Variants in CNTNAP2 observed in about 807,000 individuals in gnomAD.
CNTNAP2 encodes the protein contactin associated protein 2.
A neutral mutation model predicts 155.2 loss-of-function variants in CNTNAP2; 98 were observed. That is an observed-to-expected ratio of 0.63 (90% CI 0.54 to 0.75). The LOEUF is 0.75. Ranked by LOEUF, CNTNAP2 falls within the 30% of genes least tolerant of loss-of-function variation. The pLI, the probability that CNTNAP2 is intolerant of heterozygous loss-of-function variation, is 0.00. For synonymous variants in CNTNAP2, 651 were observed against 631.2 expected, an observed-to-expected ratio of 1.03 and a Z score of -0.47; for missense variants, 1,727 against 1,688.1, an observed-to-expected ratio of 1.02 and a Z score of -0.40.
intron 21 of CNTNAP2, among the ~76,000 whole-genome samples, chr7:148,343,403 G>A (rs757568284): frequency 2.6e-4 from 39 of 152,088 alleles, no homozygotes; most frequent in Middle Eastern, 3.2e-3. Context: ...TTTATGTTTC[G>A]ACGTCCAGTC....
intron 1 of CNTNAP2, among the ~76,000 whole-genome samples, chr7:146,280,578 C>G (rs1800235569): frequency 6.6e-6 from 1 of 152,094 alleles, no homozygotes; most frequent in African/African-American, 2.4e-5. Context: ...AGAGTCTGAG[C>G]CTCAGTGATT....
intron 21 of CNTNAP2, among the ~76,000 whole-genome samples, chr7:148,285,647 A>G (rs1797067594): frequency 6.6e-6 from 1 of 152,266 alleles, no homozygotes. Flanking sequence ...ATGTGAGGAA[A>G]GAGGCTCTGA....
intron 10 of CNTNAP2, among the ~76,000 whole-genome samples, chr7:147,434,220 T>C (rs549837841): frequency 1.3e-5 from 2 of 152,308 alleles, no homozygotes; most frequent in South Asian, 4.1e-4. Flanking sequence ...GAGATTAATA[T>C]CTTGAGAAAA....
intron 1 of CNTNAP2, among the ~76,000 whole-genome samples, chr7:146,253,893 CA>C (rs113028868): frequency 0.16 from 23,361 of 141,912 alleles, 3,760 homozygotes; most frequent in African/African-American, 0.42. Flanking sequence ...CCTGTCACTA[CA>C]AAAAAAAAAA....
At chr7:146,727,416 T>A (rs1371948687) in intron 1 of CNTNAP2, among the ~76,000 whole-genome samples, 1 of 152,132 alleles carries the variant, frequency 6.6e-6, no homozygotes, top group East Asian at 1.9e-4. Context: ...GAATGATGCT[T>A]TAGATCCCAG....
chr7:147,629,278 CT>C (rs1795041334), intron 12 of CNTNAP2, among the ~76,000 whole-genome samples: 1 of 151,968 alleles, frequency 6.6e-6, no homozygotes, highest in Admixed American at 6.6e-5. Flanking sequence ...TGATGGGTGC[CT>C]GTAATCCCAG....
At chr7:147,486,958 C>G (rs1374647577) in intron 11 of CNTNAP2, among the ~76,000 whole-genome samples, 1 of 147,604 alleles carries the variant, frequency 6.8e-6, no homozygotes, top group Non-Finnish European at 1.5e-5. Flanking sequence ...TCAACCTTCT[C>G]TCAATATGCC....
intron 10 of CNTNAP2, among the ~76,000 whole-genome samples, chr7:147,471,451 A>T (rs1175038826): frequency 6.6e-6 from 1 of 152,184 alleles, no homozygotes; most frequent in Non-Finnish European, 1.5e-5. Flanking sequence ...TGAAATAAGA[A>T]CTTGATGTTA....
intron 21 of CNTNAP2, among the ~76,000 whole-genome samples, chr7:148,371,028 G>A (rs190178263): frequency 1.4e-3 from 215 of 152,248 alleles, no homozygotes; most frequent in African/African-American, 4.9e-3. Flanking sequence ...GTCCAGAACT[G>A]ATCACCTCTC....
At chr7:147,640,000 T>C (rs2116925577) in intron 13 of CNTNAP2, among the ~76,000 whole-genome samples, 1 of 152,104 alleles carries the variant, frequency 6.6e-6, no homozygotes, top group South Asian at 2.1e-4. Context: ...CATCTCTGTG[T>C]CTGTAGTAAA....
At chr7:147,090,638 A>T (rs531514916) in intron 4 of CNTNAP2, among the ~76,000 whole-genome samples, 1 of 152,264 alleles carries the variant, frequency 6.6e-6, no homozygotes, top group South Asian at 2.1e-4. Flanking sequence ...TATAAGTAAT[A>T]ATTATAAATT....
intron 1 of CNTNAP2, among the ~76,000 whole-genome samples, chr7:146,383,254 A>G (rs1348117887): frequency 6.6e-6 from 1 of 152,158 alleles, no homozygotes; most frequent in Non-Finnish European, 1.5e-5. Context: ...GACTGCTAAA[A>G]TGTGCTCTTC....
At chr7:147,145,580 C>T (rs755955943) in intron 8 of CNTNAP2, among the ~76,000 whole-genome samples, 16 of 152,146 alleles carry the variant, frequency 1.1e-4, no homozygotes, top group Non-Finnish European at 1.5e-4. Flanking sequence ...CCCCACTCCA[C>T]GGACTTCCAT....
chr7:147,753,344 A>C (rs771926564), intron 13 of CNTNAP2, among the ~76,000 whole-genome samples: 12 of 152,202 alleles, frequency 7.9e-5, no homozygotes, highest in Non-Finnish European at 1.6e-4. Flanking sequence ...TTTGTGTGAA[A>C]TACTCTCTTT....
At chr7:147,518,320 A>T (rs201147966) in intron 11 of CNTNAP2, among the ~76,000 whole-genome samples, 1 of 152,302 alleles carries the variant, frequency 6.6e-6, no homozygotes, top group South Asian at 2.1e-4. Flanking sequence ...TAGAAAAAAA[A>T]GGAGAATGTG....
intron 1 of CNTNAP2, among the ~76,000 whole-genome samples, chr7:146,727,062 G>A (rs960833308): frequency 6.6e-6 from 1 of 151,798 alleles, no homozygotes; most frequent in Non-Finnish European, 1.5e-5. Context: ...GCTTGAATTT[G>A]GAATTATTTT....
intron 14 of CNTNAP2, among the ~76,000 whole-genome samples, chr7:147,950,194 A>G (rs1317795561): frequency 1.3e-5 from 2 of 151,856 alleles, no homozygotes; most frequent in African/African-American, 4.8e-5. Flanking sequence ...ACTCACCTGG[A>G]ATTGACTTTG....
intron 4 of CNTNAP2, among the ~76,000 whole-genome samples, chr7:147,049,880 T>A (rs1258795603): frequency 6.6e-6 from 1 of 152,198 alleles, no homozygotes. Context: ...ATGATCACTT[T>A]GTCATCTGAG....
intron 8 of CNTNAP2, among the ~76,000 whole-genome samples, chr7:147,181,873 T>C (rs765325368): frequency 5.3e-5 from 8 of 152,076 alleles, no homozygotes; most frequent in Non-Finnish European, 1.2e-4. Flanking sequence ...ACGCCTGTAG[T>C]TCCAGCACTT....
Sources: gnomAD v4.1 joint callset for allele counts (sites outside exome capture counted in the v4.1 genomes callset) on GRCh38, gnomAD v4.1.1 for gene constraint, MANE v1.5 for transcripts, NCBI Gene and HGNC (gene_info 2026-07-23, HGNC 2026-07-21) for gene names.